MAP3K5: variants seen among roughly 807,000 people sequenced by gnomAD.
The protein encoded by MAP3K5 is mitogen-activated protein kinase kinase kinase 5.
A neutral mutation model predicts 158.7 loss-of-function variants in MAP3K5; 56 were observed. The ratio of observed to expected loss-of-function variants is 0.35; its 90% CI spans 0.28 to 0.44. The LOEUF (loss-of-function observed/expected upper bound fraction) is 0.44. MAP3K5 is among the 20% of genes least tolerant of loss of function. The probability of loss-of-function intolerance (pLI) is 1.00; values close to 1 mark genes in which losing one functional copy is unlikely to be tolerated. For synonymous variants in MAP3K5, 579 were observed against 601.7 expected, an observed-to-expected ratio of 0.96 and a Z score of 0.55; for missense variants, 1,294 against 1,674.8, an observed-to-expected ratio of 0.77 and a Z score of 3.97.
intron 21 of MAP3K5, among the ~76,000 whole-genome samples, chr6:136,594,798 G>GTGTT (rs369293503): frequency 0.016 from 2,435 of 151,240 alleles, 44 homozygotes; most frequent in East Asian, 0.078. Context: ...GTGTGTTTCC[G>GTGTT]TGTTTGTGTG....
intron 3 of MAP3K5, among the ~76,000 whole-genome samples, chr6:136,702,902 G>A (rs1198974549): frequency 6.6e-6 from 1 of 151,950 alleles, no homozygotes; most frequent in Non-Finnish European, 1.5e-5. Flanking sequence ...CACCATGTTG[G>A]CCAGACTGGT....
chr6:136,641,883 G>A (rs539567410), intron 12 of MAP3K5, among the ~76,000 whole-genome samples: 2 of 151,728 alleles, frequency 1.3e-5, no homozygotes, highest in South Asian at 4.2e-4. Context: ...AGCTACTTGG[G>A]AGGCTGAGGC....
chr6:136,626,340 A>G (rs968977782), intron 14 of MAP3K5, among the ~76,000 whole-genome samples: 7 of 152,208 alleles, frequency 4.6e-5, no homozygotes, highest in Non-Finnish European at 1.0e-4. Context: ...GGAGATGACT[A>G]CTTACCCATT....
At chr6:136,714,133 A>T (rs768608924) in intron 2 of MAP3K5, among the ~76,000 whole-genome samples, 1 of 152,238 alleles carries the variant, frequency 6.6e-6, no homozygotes, top group East Asian at 1.9e-4. Context: ...CAAAACTTTA[A>T]CAAAAGGAAG....
intron 1 of MAP3K5, among the ~76,000 whole-genome samples, chr6:136,766,095 T>G (rs1352731015): frequency 6.6e-6 from 1 of 152,152 alleles, no homozygotes; most frequent in African/African-American, 2.4e-5. Context: ...TGTGCAAGAA[T>G]CTATCTGGTA....
intron 17 of MAP3K5, among the ~76,000 whole-genome samples, chr6:136,612,630 A>G (rs189376095): frequency 7.4e-4 from 112 of 152,320 alleles, no homozygotes; most frequent in Admixed American, 7.2e-4. Context: ...TTATTATTTT[A>G]GCTTATTTTA....
At chr6:136,725,452 T>G (rs553739832) in intron 1 of MAP3K5, among the ~76,000 whole-genome samples, 1 of 152,356 alleles carries the variant, frequency 6.6e-6, no homozygotes, top group Admixed American at 6.5e-5. Flanking sequence ...CCCTAATGAC[T>G]AATGAGGTTG....
chr6:136,673,719 A>G (rs1195248217), intron 7 of MAP3K5, among the ~76,000 whole-genome samples: 4 of 151,726 alleles, frequency 2.6e-5, no homozygotes, highest in Admixed American at 6.6e-5. Context: ...AGAAAAAAAA[A>G]AAAAAGAAAA....
intron 24 of MAP3K5, among the ~76,000 whole-genome samples, chr6:136,581,795 A>T (rs569347372): frequency 6.6e-6 from 1 of 152,296 alleles, no homozygotes; most frequent in African/African-American, 2.4e-5. Flanking sequence ...AAAAATTTAC[A>T]TACTGGCTGG....
chr6:136,600,686 T>C (rs895752118), intron 21 of MAP3K5, among the ~76,000 whole-genome samples: 1 of 152,120 alleles, frequency 6.6e-6, no homozygotes, highest in Admixed American at 6.5e-5. Flanking sequence ...ATTTACATTT[T>C]CCACAAGAAA....
chr6:136,574,690 T>G (rs1306619054), intron 25 of MAP3K5, among the ~76,000 whole-genome samples: 1 of 145,534 alleles, frequency 6.9e-6, no homozygotes, highest in Non-Finnish European at 1.5e-5. Context: ...ACACTTTTTT[T>G]TTTTTTTTTT....
intron 1 of MAP3K5, among the ~76,000 whole-genome samples, chr6:136,758,865 C>A (rs909420184): frequency 1.3e-5 from 2 of 152,212 alleles, no homozygotes; most frequent in Non-Finnish European, 2.9e-5. Context: ...TTCTATGAGT[C>A]AAACCTGTAT....
upstream of MAP3K5, among the ~76,000 whole-genome samples, chr6:136,793,067 C>T (rs1057215992): frequency 6.6e-6 from 1 of 152,206 alleles, no homozygotes; most frequent in African/African-American, 2.4e-5. Flanking sequence ...CGGGGTGGCG[C>T]AGAAAGTCCC....
chr6:136,742,141 T>C (rs879100011), intron 1 of MAP3K5, among the ~76,000 whole-genome samples: 4 of 152,162 alleles, frequency 2.6e-5, no homozygotes, highest in Non-Finnish European at 4.4e-5. Flanking sequence ...TATTGACAAA[T>C]TGATTCCTAA....
At chr6:136,778,440 A>G (rs1784482307) in intron 1 of MAP3K5, among the ~76,000 whole-genome samples, 1 of 152,204 alleles carries the variant, frequency 6.6e-6, no homozygotes, top group African/African-American at 2.4e-5. Flanking sequence ...TACTTAGTTC[A>G]CTATATAATC....
At chr6:136,591,213 C>G (rs995654682) in intron 23 of MAP3K5, among the ~76,000 whole-genome samples, 5 of 152,234 alleles carry the variant, frequency 3.3e-5, no homozygotes, top group African/African-American at 1.2e-4. Context: ...TACCCAGTCT[C>G]AGGTATGTCT....
At chr6:136,559,612 T>C (rs950340822) in intron 28 of MAP3K5, among the ~76,000 whole-genome samples, 16 of 152,364 alleles carry the variant, frequency 1.1e-4, no homozygotes, top group African/African-American at 3.8e-4. Flanking sequence ...CTGAACTTAT[T>C]TTTTCATGGT....
At chr6:136,751,326 T>C (rs1783199006) in intron 1 of MAP3K5, among the ~76,000 whole-genome samples, 1 of 152,248 alleles carries the variant, frequency 6.6e-6, no homozygotes, top group African/African-American at 2.4e-5. Flanking sequence ...ATGGCACTGC[T>C]GTAGCCCATG....
intron 1 of MAP3K5, among the ~76,000 whole-genome samples, chr6:136,730,627 CAGG>C (rs532764967): frequency 3.3e-5 from 5 of 149,624 alleles, no homozygotes; most frequent in Admixed American, 1.4e-4. Context: ...GAGGCTGAGG[CAGG>C]AGAATGGCGT....
Sources: gnomAD v4.1 joint callset for allele counts (sites outside exome capture counted in the v4.1 genomes callset) on GRCh38, gnomAD v4.1.1 for gene constraint, MANE v1.5 for transcripts, NCBI Gene and HGNC (gene_info 2026-07-23, HGNC 2026-07-21) for gene names.